Variants in CCSER2 observed in about 807,000 individuals in gnomAD.
The protein encoded by CCSER2 is coiled-coil serine rich protein 2.
Under a neutral mutation model 92.3 loss-of-function variants are expected in CCSER2, and 46 were observed. The observed-to-expected ratio is 0.50, with a 90% CI of 0.39 to 0.64. CCSER2 has a LOEUF of 0.64. Among genes scored for constraint, CCSER2 ranks in the 30% least tolerant of loss-of-function variants. The probability of loss-of-function intolerance (pLI) is 0.00; values close to 1 mark genes in which losing one functional copy is unlikely to be tolerated. For missense variants in CCSER2, 1,244 were observed against 1,238.9 expected, an observed-to-expected ratio of 1.00 and a Z score of -0.06; for synonymous variants, 433 against 431.4, an observed-to-expected ratio of 1.00 and a Z score of -0.04.
At chr10:84,511,655 G>A (rs758464992) in intron 9 of CCSER2, among the ~76,000 whole-genome samples, 11 of 152,110 alleles carry the variant, frequency 7.2e-5, no homozygotes, top group Admixed American at 2.0e-4. Context: ...CCAATTGATC[G>A]TGCCTCCTTC....
At chr10:84,415,487 T>A (rs1564641043) in intron 3 of CCSER2, among the ~76,000 whole-genome samples, 1 of 152,158 alleles carries the variant, frequency 6.6e-6, no homozygotes, top group Admixed American at 6.5e-5. Context: ...ATATCACCAG[T>A]GAAGGCTGTG....
chr10:84,496,446 C>T (rs369881227), intron 9 of CCSER2, among the ~76,000 whole-genome samples: 21 of 152,082 alleles, frequency 1.4e-4, no homozygotes, highest in African/African-American at 2.9e-4. Context: ...CCACCACGCC[C>T]GGCTAATTTT....
intron 6 of CCSER2, among the ~76,000 whole-genome samples, chr10:84,459,091 C>G (rs1207728097): frequency 2.0e-5 from 3 of 151,892 alleles, no homozygotes; most frequent in African/African-American, 7.3e-5. Flanking sequence ...CACTGCAACC[C>G]CTGCTTCCTG....
intron 9 of CCSER2, among the ~76,000 whole-genome samples, chr10:84,510,163 A>C (rs1429487506): frequency 6.6e-6 from 1 of 152,174 alleles, no homozygotes; most frequent in Non-Finnish European, 1.5e-5. Context: ...TTTCAAATTC[A>C]GTCTAAAATT....
intron 9 of CCSER2, among the ~76,000 whole-genome samples, chr10:84,497,731 A>G (rs1429371425): frequency 6.6e-6 from 1 of 152,230 alleles, no homozygotes; most frequent in Non-Finnish European, 1.5e-5. Context: ...ACTTATAGGT[A>G]CTGTGACAGA....
chr10:84,429,614 A>AC (rs368275888), intron 5 of CCSER2, among the ~76,000 whole-genome samples: 44 of 56,280 alleles, frequency 7.8e-4, no homozygotes, highest in South Asian at 1.5e-3. Flanking sequence ...TGCCACCACC[A>AC]CCCCCCCCAG....
rs1849656924 is a variant in CCSER2 at position 84,518,127 on chromosome 10, G to C, written c.*3860G>C. ...TCTGATGCTTGAATTCTATTTTCTA[G>C]TGATTTTTCACATCTCCCTTTAAGT... On this transcript the variant is annotated 3_prime_UTR_variant, in exon 10 of 10. Transcript: ENST00000372088. 1 of 152,098 alleles carries C rather than the reference G, an allele frequency of 6.6e-6. No individual in the cohort carries two copies. Among genetic ancestry groups the C allele is most frequent in the African/African-American group, 2.4e-5 (1 of 41,416 alleles). The allele number at this position is 152,098 out of a possible 1,614,324, so 9.4% of individuals were successfully genotyped here. A position where few individuals can be genotyped will look rare whatever the true frequency, so the allele number is the denominator to read the frequency against.
At chr10:84,482,708 C>T (rs1847526617) in intron 9 of CCSER2, among the ~76,000 whole-genome samples, 1 of 152,150 alleles carries the variant, frequency 6.6e-6, no homozygotes, top group Admixed American at 6.5e-5. Context: ...CCTTCAAATG[C>T]CTTATTACTT....
At chr10:84,344,034 G>A (rs1429769451) in intron 1 of CCSER2, among the ~76,000 whole-genome samples, 2 of 152,318 alleles carry the variant, frequency 1.3e-5, no homozygotes, top group South Asian at 2.1e-4. Flanking sequence ...ATAATATGCT[G>A]ATGCTTGAGA....
At chr10:84,396,308 T>G (rs2133288168) in intron 3 of CCSER2, among the ~76,000 whole-genome samples, 1 of 150,818 alleles carries the variant, frequency 6.6e-6, no homozygotes, top group South Asian at 2.1e-4. Flanking sequence ...ATTTATACTA[T>G]ATTATATACA....
intron 1 of CCSER2, among the ~76,000 whole-genome samples, chr10:84,345,397 G>A (rs891366055): frequency 6.6e-5 from 10 of 152,142 alleles, no homozygotes; most frequent in African/African-American, 2.2e-4. Context: ...AAAGCATTTA[G>A]TATTTTGACA....
rs751155549 is a variant in CCSER2 at position 84,513,475 on chromosome 10, C to A, written c.2352C>A (p.Ser784Arg). 10 of 1,611,206 alleles carry A rather than the reference C, an allele frequency of 6.2e-6. No individual in the cohort carries two copies. The East Asian group carries it at 2.2e-4, about 36-fold the overall frequency. Reference protein sequence around the residue: ...IPPQVLQPSSSLPRPTDHTQG... With the variant: ...IPPQVLQPSSRLPRPTDHTQG... ...CTCAAGTACTACAGCCTTCCAGCAG[C>A]CTTCCCAGACCCACAGATCACACCC... Residue 784 changes from serine (S) to arginine (R), a missense_variant, in exon 10 of 10, where the codon AGC becomes AGA. By Grantham distance (110) the Ser-to-Arg change is moderately radical. Coordinates refer to ENST00000372088, the MANE Select transcript of CCSER2 (RefSeq NM_001284240.2).
chr10:84,391,905 C>T, intron 3 of CCSER2: 3 of 1,352,782 alleles, frequency 2.2e-6, no homozygotes, highest in Admixed American at 3.4e-5. Context: ...CATGGATTAA[C>T]CCAAAAGATG....
At chr10:84,440,319 A>G (rs995431182) in intron 6 of CCSER2, among the ~76,000 whole-genome samples, 4 of 152,166 alleles carry the variant, frequency 2.6e-5, no homozygotes, top group Admixed American at 6.5e-5. Context: ...GAAAATTGCA[A>G]AATCTTTGTA....
At position 84,514,153 on chromosome 10, in the gene CCSER2, A is replaced by G; in HGVS notation, c.3030A>G (p.Pro1010=). The change falls in exon 10 of 10, where the codon CCA becomes CCG. Residue 1010 remains proline, a synonymous_variant. Transcript: ENST00000372088. ...PQSFQAKTSI[P]RPLTQRKEIM... is the part of the protein sequence containing the mutation. ...GCTTCCAGGCCAAGACAAGCATCCC[A>G]AGGCCACTAACACAACGAAAAGAAA... The G allele has an allele frequency of 6.5e-7, 1 of 1,536,364 alleles. No homozygotes were observed. The highest frequency in any genetic ancestry group is 8.7e-7 in the Non-Finnish European group (1 of 1,146,958).
chr10:84,488,836 G>A (rs1327749615), intron 9 of CCSER2, among the ~76,000 whole-genome samples: 1 of 152,150 alleles, frequency 6.6e-6, no homozygotes, highest in Non-Finnish European at 1.5e-5. Flanking sequence ...ATGTTAGGGT[G>A]TCAATTTTAG....
At chr10:84,360,342 C>T (rs1032331784) in intron 1 of CCSER2, among the ~76,000 whole-genome samples, 2 of 151,878 alleles carry the variant, frequency 1.3e-5, no homozygotes, top group Admixed American at 1.3e-4. Context: ...TGTGGTTCTT[C>T]TATAAAGAAG....
chr10:84,360,445 C>A (rs1845435485), intron 1 of CCSER2, among the ~76,000 whole-genome samples: 1 of 152,150 alleles, frequency 6.6e-6, no homozygotes, highest in South Asian at 2.1e-4. Flanking sequence ...GTTGTCTTTG[C>A]AGTAAGGCTT....
At chr10:84,425,647 A>G (rs1201567652) in intron 4 of CCSER2, 84 bp from the exon 5 acceptor site, 1 of 856,708 alleles carries the variant, frequency 1.2e-6, no homozygotes, top group African/African-American at 1.7e-5. Context: ...TATTTGATTT[A>G]CAGCATTTAA....
Sources: gnomAD v4.1 joint callset for allele counts (sites outside exome capture counted in the v4.1 genomes callset) on GRCh38, gnomAD v4.1.1 for gene constraint, MANE v1.5 for transcripts, NCBI Gene and HGNC (gene_info 2026-07-23, HGNC 2026-07-21) for gene names.